Variants in HS1BP3 observed in about 807,000 individuals in gnomAD.
HS1BP3 encodes HCLS1 binding protein 3, also known as HCLS1-binding protein 3.
A neutral mutation model predicts 33.5 loss-of-function variants in HS1BP3; 32 were observed. The ratio of observed to expected loss-of-function variants is 0.95; its 90% confidence interval spans 0.72 to 1.28. The LOEUF (loss-of-function observed/expected upper bound fraction) is 1.28, where lower values mean the gene tolerates loss of function less well. HS1BP3 is among the 50% of genes most tolerant of loss of function. HS1BP3 has a pLI of 0.00. For missense variants in HS1BP3, 486 were observed against 502.3 expected (o/e 0.97, Z 0.31); for synonymous variants, 187 against 209.2 (o/e 0.89, Z 0.92).
At chr2:20,625,543 T>C (rs1433834264) in intron 4 of HS1BP3, among the ~76,000 whole-genome samples, 1 of 152,246 alleles carries the variant, frequency 6.6e-6, no homozygotes, top group Non-Finnish European at 1.5e-5. Flanking sequence ...AAGTGCCTTA[T>C]TGTTTCCTTT....
chr2:20,634,346 C>T (rs1470895053), intron 4 of HS1BP3, among the ~76,000 whole-genome samples: 3 of 152,230 alleles, frequency 2.0e-5, no homozygotes, highest in East Asian at 3.8e-4. Flanking sequence ...TTCTGGGGGC[C>T]CTACCCAGAT....
intron 5 of HS1BP3, among the ~76,000 whole-genome samples, chr2:20,566,708 G>A (rs903299899): frequency 7.2e-5 from 11 of 152,042 alleles, no homozygotes; most frequent in Admixed American, 6.5e-4. Flanking sequence ...CTGGGCTCAA[G>A]CGATTCTCCT....
chr2:20,632,659 G>T (rs1695004564), intron 4 of HS1BP3, among the ~76,000 whole-genome samples: 1 of 152,196 alleles, frequency 6.6e-6, no homozygotes, highest in Non-Finnish European at 1.5e-5. Context: ...GGTCCTGGGG[G>T]AGCCTGAGGC....
rs145678286 is a variant in HS1BP3 at position 20,563,442 on chromosome 2, C to A, written c.303-2927G>T. On this transcript the variant is annotated intron_variant, in intron 5 of 5. Coordinates refer to the HS1BP3 transcript ENST00000446825. Reference sequence around the variant, plus strand: ...CCCAGCAATGAGGGCCCAGCCTGGCCCCTGCAATGAGCTGTGGTCTGATGG... The same window carrying A: ...CCCAGCAATGAGGGCCCAGCCTGGCACCTGCAATGAGCTGTGGTCTGATGG... 3.2e-4 allele frequency among the ~76,000 whole-genome samples: 49 copies of A among 152,304 alleles called. No individual in the cohort carries two copies. The East Asian group carries it at 4.2e-3, about 13-fold the overall frequency.
At chr2:20,599,296 T>C (rs1330442962) in intron 2 of HS1BP3, among the ~76,000 whole-genome samples, 1 of 152,214 alleles carries the variant, frequency 6.6e-6, no homozygotes, top group Non-Finnish European at 1.5e-5. Flanking sequence ...TCCCCTGCCC[T>C]GGAGCAGGGA....
chr2:20,641,452 T>G (rs1214068490), intron 2 of HS1BP3, among the ~76,000 whole-genome samples: 1 of 152,200 alleles, frequency 6.6e-6, no homozygotes, highest in African/African-American at 2.4e-5. Flanking sequence ...TAACAAGATT[T>G]GATACAGGGA....
At chr2:20,588,706 T>C (rs1693741182), downstream of HS1BP3, among the ~76,000 whole-genome samples, 1 of 152,238 alleles carries the variant, frequency 6.6e-6, no homozygotes, top group South Asian at 2.1e-4. Flanking sequence ...TCAGCCCATG[T>C]GGGAGCTTGC....
downstream of HS1BP3, among the ~76,000 whole-genome samples, chr2:20,613,577 A>G (rs1694356352): frequency 6.6e-6 from 1 of 152,220 alleles, no homozygotes; most frequent in Admixed American, 6.5e-5. Context: ...TTTGTGCCAC[A>G]TGTTATCTAA....
chr2:20,603,099 G>A (rs943939145), intron 2 of HS1BP3, among the ~76,000 whole-genome samples: 13 of 152,218 alleles, frequency 8.5e-5, no homozygotes, highest in Admixed American at 1.3e-4. Context: ...AGGAGGTGGA[G>A]AAATGGGAAC....
intron 3 of HS1BP3, chr2:20,640,652 A>G (rs2278481): frequency 0.076 from 40,347 of 529,628 alleles, 1,896 homozygotes; most frequent in South Asian, 0.13. Context: ...AGGGGGTTGT[A>G]TGTGGTGCAT....
chr2:20,590,121 G>A (rs1283153037), downstream of HS1BP3, among the ~76,000 whole-genome samples: 1 of 152,158 alleles, frequency 6.6e-6, no homozygotes, highest in Admixed American at 6.5e-5. Context: ...CCGCCCTCCA[G>A]GCAAGCAGAT....
At chr2:20,582,873 C>T (rs2149276262) in intron 5 of HS1BP3, among the ~76,000 whole-genome samples, 1 of 152,246 alleles carries the variant, frequency 6.6e-6, no homozygotes, top group South Asian at 2.1e-4. Context: ...CAGGCAGGGA[C>T]CCTTTTGGCA....
At position 20,645,608 on chromosome 2, in the gene HS1BP3, A is replaced by C. The variant is rs1235994131; in HGVS notation, c.33-103T>G. ...TGGGTGCCTGGCAGGCCTGGGTGCC[A>C]GGTGACTCTGCTGGCTGTCCTCAGT... On this transcript the variant is annotated intron_variant, in intron 1 of 6. Transcript: ENST00000304031. 4.2e-6 allele frequency: 5 copies of C among 1,189,102 alleles called. No individual in the cohort carries two copies. In the African/African-American group the frequency reaches 6.2e-5, roughly 15 times the overall value. 73.7% of individuals were successfully genotyped at this position (1,189,102 alleles called of 1,614,324 possible). A position where few individuals can be genotyped will look rare whatever the true frequency, so the allele number is the denominator to read the frequency against.
chr2:20,601,770 CTTTTTT>C (rs35644786), intron 2 of HS1BP3, among the ~76,000 whole-genome samples: 14 of 69,122 alleles, frequency 2.0e-4, no homozygotes, highest in South Asian at 1.5e-3. Flanking sequence ...AGTGTGTCTT[CTTTTTT>C]TTTTTTTTTT....
intron 2 of HS1BP3, among the ~76,000 whole-genome samples, chr2:20,610,541 G>T (rs1008076334): frequency 6.6e-6 from 1 of 152,026 alleles, no homozygotes; most frequent in East Asian, 1.9e-4. Flanking sequence ...TTCATGGCTC[G>T]ATAGCACATT....
downstream of HS1BP3, among the ~76,000 whole-genome samples, chr2:20,616,270 G>T (rs1194075069): frequency 1.3e-5 from 2 of 152,196 alleles, no homozygotes; most frequent in Admixed American, 6.5e-5. Flanking sequence ...AAAATCTTGG[G>T]GGGGATAGAG....
chr2:20,638,265 C>T lies in HS1BP3; in HGVS notation c.623+171G>A, dbSNP rs951262156. The T allele has an allele frequency of 6.3e-5, 40 of 634,736 alleles. 1 individual carries two copies. The South Asian group carries it at 6.7e-4, about 11-fold the overall frequency. The allele number at this position is 634,736 out of a possible 1,614,324, so 39.3% of individuals were successfully genotyped here. A position where few individuals can be genotyped will look rare whatever the true frequency, so the allele number is the denominator to read the frequency against. ...AGAGACATGCACACCACCAAGGGCA[C>T]GCAGAGAGCTACTTCCCCCAACACA... is the stretch of plus-strand genomic sequence containing the variant. On this transcript the variant is annotated intron_variant, in intron 4 of 6. Coordinates refer to ENST00000304031, the MANE Select transcript of HS1BP3 (RefSeq NM_022460.4).
chr2:20,630,370 A>T (rs1694932686), intron 4 of HS1BP3, among the ~76,000 whole-genome samples: 1 of 151,896 alleles, frequency 6.6e-6, no homozygotes, highest in Non-Finnish European at 1.5e-5. Context: ...GGCTCAAGTG[A>T]TCCTCTCACC....
intron 2 of HS1BP3, among the ~76,000 whole-genome samples, chr2:20,609,701 C>G (rs976565526): frequency 6.6e-6 from 1 of 152,196 alleles, no homozygotes; most frequent in Non-Finnish European, 1.5e-5. Flanking sequence ...AGCTGGAAAT[C>G]GTACAGAGGA....
Sources: gnomAD v4.1 joint callset for allele counts (sites outside exome capture counted in the v4.1 genomes callset) on GRCh38, gnomAD v4.1.1 for gene constraint, MANE v1.5 for transcripts, NCBI Gene and HGNC (gene_info 2026-07-23, HGNC 2026-07-21) for gene names.